Variants in TRPM1 observed in about 807,000 individuals in gnomAD.
TRPM1 encodes the protein transient receptor potential cation channel subfamily M member 1, also known as TRPM1-203 APA Isoform, Intron 10.
Under a neutral mutation model 149.4 loss-of-function variants are expected in TRPM1, and 113 were observed. The ratio of observed to expected loss-of-function variants is 0.76; its 90% CI spans 0.65 to 0.88. The LOEUF (loss-of-function observed/expected upper bound fraction) is 0.88, where lower values mean the gene tolerates loss of function less well. Among genes scored for constraint, TRPM1 ranks in the 40% least tolerant of loss-of-function variants. The pLI, the probability that TRPM1 is intolerant of heterozygous loss-of-function variation, is 0.00. For synonymous variants in TRPM1, 741 were observed against 759.5 expected, an observed-to-expected ratio of 0.98 and a Z score of 0.40; for missense variants, 1,976 against 2,038.7, an observed-to-expected ratio of 0.97 and a Z score of 0.59.
In TRPM1 at chr15:31,063,562, G is replaced by A. The variant is rs530215818; in HGVS notation, c.791-270C>T. Among the ~76,000 whole-genome samples the A allele has an allele frequency of 9.9e-5, 15 of 152,090 alleles. No individual in the cohort carries two copies. The East Asian group carries it at 1.4e-3, about 14-fold the overall frequency. ...AGCCTCAACCTCCCTCTCAGCTCAGGCAATCCTCCCACCTCAGCCTCCTGA... is the reference window on the plus strand; with the variant it reads ...AGCCTCAACCTCCCTCTCAGCTCAGACAATCCTCCCACCTCAGCCTCCTGA... On this transcript the variant is annotated intron_variant, in intron 7 of 27. Coordinates refer to ENST00000256552, the MANE Select transcript of TRPM1 (RefSeq NM_001252024.2).
rs911885354 is a variant in TRPM1, at chr15:31,037,032, C to T, written c.2571+679G>A. The stretch of plus-strand genomic sequence containing the variant: ...ATTTCATGAGAAGTCTCTCTCCTCC[C>T]GACTGACGTGGTTGCACAAGCCACA... On this transcript the variant is annotated intron_variant, in intron 20 of 27. Coordinates refer to ENST00000256552, the MANE Select transcript of TRPM1 (RefSeq NM_001252024.2). 3.9e-5 allele frequency among the ~76,000 whole-genome samples: 6 copies of T among 152,358 alleles called. No individual in the cohort carries two copies. The East Asian group carries it at 9.6e-4, about 24-fold the overall frequency.
intron 5 of TRPM1, 30 bp from the exon 6 acceptor site, chr15:31,067,217 C>T (rs757143022): frequency 6.2e-7 from 1 of 1,614,084 alleles, no homozygotes; most frequent in Non-Finnish European, 8.5e-7. Flanking sequence ...ATATTTTAGG[C>T]TCTTTTACTT....
intron 10 of TRPM1, among the ~76,000 whole-genome samples, chr15:31,060,989 C>T (rs977747325): frequency 1.3e-5 from 2 of 152,192 alleles, no homozygotes; most frequent in Non-Finnish European, 2.9e-5. Context: ...TCTCTCTGTC[C>T]TCCCTGCCCC....
At chr15:31,024,605 T>C (rs2032658497) in intron 27 of TRPM1, among the ~76,000 whole-genome samples, 2 of 152,158 alleles carry the variant, frequency 1.3e-5, no homozygotes, top group South Asian at 4.1e-4. Flanking sequence ...AGTGACCTGA[T>C]AACCACACTC....
Position 31,047,958 on chromosome 15 carries a change from T to C in TRPM1, c.1573-19A>G. The C allele has an allele frequency of 6.2e-7, 1 of 1,612,446 alleles. No homozygotes were observed. The highest frequency in any genetic ancestry group is 8.5e-7 in the Non-Finnish European group (1 of 1,178,526). On this transcript the variant is annotated intron_variant, in intron 13 of 27. Coordinates refer to ENST00000256552, the MANE Select transcript of TRPM1 (RefSeq NM_001252024.2). Reference sequence around the variant, plus strand: ...CCAGTCTCTGAAAGAGAAGCATTCATGTGTGTTAAATATGTTTTTCTTGGC... The same window carrying C: ...CCAGTCTCTGAAAGAGAAGCATTCACGTGTGTTAAATATGTTTTTCTTGGC...
chr15:31,120,428 A>G (rs928202715), intron 1 of TRPM1, among the ~76,000 whole-genome samples: 14 of 152,214 alleles, frequency 9.2e-5, no homozygotes, highest in Admixed American at 9.2e-4. Flanking sequence ...CTGCAAGGAG[A>G]AATATAAAAA....
intron 11 of TRPM1, among the ~76,000 whole-genome samples, chr15:31,053,443 A>G (rs928668353): frequency 8.2e-5 from 9 of 109,614 alleles, no homozygotes; most frequent in African/African-American, 3.2e-4. Context: ...CTGTATTTTT[A>G]GTAGAGACGG....
intron 1 of TRPM1, among the ~76,000 whole-genome samples, chr15:31,100,708 G>A (rs1596072136): frequency 1.3e-5 from 2 of 152,290 alleles, no homozygotes; most frequent in East Asian, 1.9e-4. Context: ...ACAGGTGCAT[G>A]TGTGTGTAAT....
intron 27 of TRPM1, among the ~76,000 whole-genome samples, chr15:31,004,508 T>C (rs1025539971): frequency 6.6e-6 from 1 of 152,158 alleles, no homozygotes; most frequent in Non-Finnish European, 1.5e-5. Context: ...TGTGTTTGTA[T>C]GTGTGGTTCC....
intron 1 of TRPM1, among the ~76,000 whole-genome samples, chr15:31,123,893 T>C (rs570179520): frequency 1.1e-4 from 13 of 116,214 alleles, no homozygotes; most frequent in African/African-American, 4.6e-4. Context: ...CACAAATGTC[T>C]ATGACAGCTT....
rs569780054 is a variant in TRPM1 at position 31,021,692 on chromosome 15, T to A, written c.3629+4447A>T. On this transcript the variant is annotated intron_variant, in intron 27 of 27. Coordinates refer to ENST00000256552, the MANE Select transcript of TRPM1 (RefSeq NM_001252024.2). Reference sequence around the variant, plus strand: ...GCCTGGGCAACAAAGCAGTACCCTGTCTCTAGAATTAAAAAAAAAAAAAAA... The same window carrying A: ...GCCTGGGCAACAAAGCAGTACCCTGACTCTAGAATTAAAAAAAAAAAAAAA... Among the ~76,000 whole-genome samples the A allele has an allele frequency of 2.0e-5, 3 of 146,612 alleles. No individual in the cohort carries two copies. In the South Asian group the frequency reaches 6.5e-4, roughly 32 times the overall value.
chr15:31,076,224 T>C (rs994405419), intron 3 of TRPM1, among the ~76,000 whole-genome samples: 6 of 152,158 alleles, frequency 3.9e-5, no homozygotes, highest in African/African-American at 1.4e-4. Context: ...TGATTGCATG[T>C]GTGAAACAAA....
At chr15:31,007,895 C>A (rs763107855) in intron 27 of TRPM1, among the ~76,000 whole-genome samples, 1 of 152,228 alleles carries the variant, frequency 6.6e-6, no homozygotes, top group East Asian at 1.9e-4. Flanking sequence ...AGATCCCATA[C>A]GTATTTTACG....
Position 31,109,664 on chromosome 15 carries a change from C to T in TRPM1, c.55-32680G>A, listed in dbSNP as rs532407453. Among the ~76,000 whole-genome samples, 24 of 150,182 alleles carry T rather than the reference C, an allele frequency of 1.6e-4. No homozygotes were observed. The South Asian group carries it at 4.0e-3, about 25-fold the overall frequency. On this transcript the variant is annotated intron_variant, in intron 1 of 26. Transcript: ENST00000542188. Reference sequence around the variant, plus strand: ...GCAGTGACCCAAGATCATGCCACTGCACTCCAGCCTGGGCAACAGAGTGAG... The same window carrying T: ...GCAGTGACCCAAGATCATGCCACTGTACTCCAGCCTGGGCAACAGAGTGAG...
intron 27 of TRPM1, among the ~76,000 whole-genome samples, chr15:31,015,421 AAAAAG>A (rs1394705985): frequency 7.9e-5 from 12 of 152,032 alleles, no homozygotes; most frequent in African/African-American, 2.7e-4. Context: ...TAAAAAAAAA[AAAAAG>A]AAAAGAAGAG....
intron 27 of TRPM1, among the ~76,000 whole-genome samples, chr15:31,025,646 C>T (rs1595986226): frequency 1.3e-5 from 2 of 152,066 alleles, no homozygotes; most frequent in African/African-American, 4.8e-5. Flanking sequence ...CCCCACCCTG[C>T]ACCCCACCCC....
Position 31,070,019 on chromosome 15 carries a change from T to G in TRPM1, c.279+12A>C, listed in dbSNP as rs2034488895. 5 of 1,614,228 alleles carry G rather than the reference T, an allele frequency of 3.1e-6. No homozygotes were observed. Among genetic ancestry groups the G allele is most frequent in the Non-Finnish European group, 4.2e-6 (5 of 1,180,042 alleles). On this transcript the variant is annotated intron_variant, in intron 4 of 27. Coordinates refer to ENST00000256552, the MANE Select transcript of TRPM1 (RefSeq NM_001252024.2). The stretch of plus-strand genomic sequence containing the variant: ...TGATCCTAGTGGCACCATGTCTGAA[T>G]GCCTTTCTCACCATGGCTTTATTGG...
rs2031827057 is a variant in TRPM1, at chr15:31,002,652, G to A, written c.4048C>T (p.Leu1350=). 8 of 1,614,212 alleles carry A rather than the reference G, an allele frequency of 5.0e-6. No individual in the cohort carries two copies. The highest frequency in any genetic ancestry group is 6.8e-6 in the Non-Finnish European group (8 of 1,180,046). ...PECQNSLHLS[L]GTSTSATPDG... ...GGGGTTGCTGATGTGCTTGTGCCCA[G>A]TGAAAGGTGAAGACTGTTCTGACAT... The change falls in exon 28 of 28, where the codon CTG becomes TTG. Residue 1350 remains leucine, a synonymous_variant. Coordinates refer to ENST00000256552, the MANE Select transcript of TRPM1 (RefSeq NM_001252024.2).
Position 31,040,079 on chromosome 15 carries a change from A to T in TRPM1, c.2316+39T>A. 2.5e-6 allele frequency: 4 copies of T among 1,582,102 alleles called. No homozygotes were observed. The highest frequency in any genetic ancestry group is 3.5e-6 in the Non-Finnish European group (4 of 1,151,060). The stretch of plus-strand genomic sequence containing the variant: ...TCAGCCTGGCAGAGAGTCACTTGTC[A>T]CTGTCACCCTGGCCCGCCTCGCAGC... On this transcript the variant is annotated intron_variant, in intron 18 of 27. Transcript: ENST00000256552. This position sits in a 1 kb window ranked among gnomAD's most constrained non-coding sequence, Gnocchi z 4.2.
Sources: allele counts gnomAD v4.1 joint callset (sites outside exome capture counted in the v4.1 genomes callset), GRCh38; gene constraint gnomAD v4.1.1; non-coding constraint Gnocchi (gnomAD v3.1); transcripts MANE v1.5; gene names NCBI Gene and HGNC (gene_info 2026-07-23, HGNC 2026-07-21).